The following MRTFA variants were observed in gnomAD, a reference collection of about 807,000 sequenced individuals.
The protein encoded by MRTFA is myocardin-related transcription factor A.
Under a neutral mutation model 83.5 loss-of-function variants are expected in MRTFA, and 20 were observed. The observed-to-expected ratio is 0.24, with a 90% CI of 0.17 to 0.35. The LOEUF is 0.35. Ranked by LOEUF, MRTFA falls within the 10% of genes least tolerant of loss-of-function variation. The probability of loss-of-function intolerance (pLI) is 1.00; values close to 1 mark genes in which losing one functional copy is unlikely to be tolerated. For synonymous variants in MRTFA, 659 were observed against 541.2 expected (o/e 1.22, Z -3.02); for missense variants, 1,200 against 1,224.7 (o/e 0.98, Z 0.30).
intron 11 of MRTFA, 75 bp downstream of exon 11, chr22:40,420,330 A>G (rs2052801942): frequency 1.3e-6 from 2 of 1,529,804 alleles, no homozygotes; most frequent in Non-Finnish European, 8.8e-7. Flanking sequence ...TTCCCTGCCT[A>G]AAAACCAGCA....
rs770588650 is a variant in MRTFA at position 40,421,002 on chromosome 22, G to A, written c.1026C>T (p.Ile342=). The A allele has an allele frequency of 1.6e-5, 25 of 1,604,532 alleles. No individual in the cohort carries two copies. The Admixed American group carries it at 1.8e-4, about 12-fold the overall frequency. The change falls in exon 10 of 15, where the codon ATC becomes ATT. Residue 342 remains isoleucine (I), a synonymous_variant. Coordinates refer to ENST00000355630, the MANE Select transcript of MRTFA (RefSeq NM_020831.6). ...CCCTGTCCTGCTTCTGGTCCGGGGG[G>A]ATGTACTGGTGGTACTTGAGCTTCT...
chr22:40,538,985 C>CTTTTTTTTTTTTTTT (rs201694198), intron 3 of MRTFA, among the ~76,000 whole-genome samples: 4 of 106,946 alleles, frequency 3.7e-5, no homozygotes, highest in African/African-American at 1.5e-4. Flanking sequence ...GATACACAGC[C>CTTTTTTTTTTTTTTT]TTTTGTTTTT....
intron 2 of MRTFA, chr22:40,569,752 CATACATACATACATA>C (rs1569333041): frequency 2.0e-5 from 3 of 151,842 alleles, no homozygotes; most frequent in African/African-American, 2.4e-5. Context: ...TACATACATA[CATACATACATACATA>C]CATACATACA....
chr22:40,529,878 C>T (rs775032404), intron 3 of MRTFA, among the ~76,000 whole-genome samples: 1 of 152,150 alleles, frequency 6.6e-6, no homozygotes, highest in Non-Finnish European at 1.5e-5. Flanking sequence ...TCTCTATTCC[C>T]CTTTATTGAG....
At chr22:40,490,296 A>T (rs1017648243) in intron 3 of MRTFA, among the ~76,000 whole-genome samples, 14 of 152,160 alleles carry the variant, frequency 9.2e-5, no homozygotes, top group Non-Finnish European at 1.8e-4. Context: ...ACTGCCTCTC[A>T]ACCAATTCTT....
intron 1 of MRTFA, among the ~76,000 whole-genome samples, chr22:40,622,731 T>C (rs2056538684): frequency 6.6e-6 from 1 of 152,024 alleles, no homozygotes; most frequent in Non-Finnish European, 1.5e-5. Context: ...CCTTCTGACA[T>C]CCTGAATTTG....
rs529146204 is a variant in MRTFA, at chr22:40,516,076, T to C, written c.241+36030A>G. 1.3e-5 allele frequency among the ~76,000 whole-genome samples: 2 copies of C among 152,270 alleles called. 1 individual carries two copies. The highest frequency in any genetic ancestry group is 4.1e-4 in the South Asian group (2 of 4,826). ...TCAGGATAAAGCAATGGAAGATTATTTGCAAACATCTCAAGGACTGACTTA... is the reference window on the plus strand; with the variant it reads ...TCAGGATAAAGCAATGGAAGATTATCTGCAAACATCTCAAGGACTGACTTA... On this transcript the variant is annotated intron_variant, in intron 3 of 14. Transcript: ENST00000355630.
At chr22:40,613,974 C>A (rs1310377325) in intron 1 of MRTFA, among the ~76,000 whole-genome samples, 1 of 150,430 alleles carries the variant, frequency 6.6e-6, no homozygotes, top group Non-Finnish European at 1.5e-5. Context: ...CCGAGGCGGG[C>A]GGATCACCTG....
At chr22:40,524,169 C>G (rs1357003319) in intron 3 of MRTFA, among the ~76,000 whole-genome samples, 1 of 152,164 alleles carries the variant, frequency 6.6e-6, no homozygotes, top group Non-Finnish European at 1.5e-5. Flanking sequence ...GTGATGTGCA[C>G]TTGCAGTCCC....
At chr22:40,533,627 T>C (rs1032065477) in intron 3 of MRTFA, 7 of 1,230,192 alleles carry the variant, frequency 5.7e-6, no homozygotes, top group Admixed American at 4.2e-5. Flanking sequence ...CAGGTTCCAG[T>C]AGAGTCATGA....
intron 3 of MRTFA, among the ~76,000 whole-genome samples, chr22:40,510,091 C>G (rs2054643178): frequency 6.6e-6 from 1 of 151,544 alleles, no homozygotes; most frequent in Non-Finnish European, 1.5e-5. Context: ...ATTGCAGAAC[C>G]AGCAATCCAG....
intron 2 of MRTFA, chr22:40,587,899 T>A: frequency 2.4e-6 from 1 of 420,690 alleles, no homozygotes; most frequent in East Asian, 5.1e-5. Context: ...TCACAATATC[T>A]GGTGGAATGG....
intron 3 of MRTFA, among the ~76,000 whole-genome samples, chr22:40,485,403 T>C (rs1192137099): frequency 6.6e-6 from 1 of 152,148 alleles, no homozygotes; most frequent in African/African-American, 2.4e-5. Flanking sequence ...CAGCCTGAAC[T>C]GTGGCAACAG....
chr22:40,587,991 C>A, intron 2 of MRTFA: 1 of 233,494 alleles, frequency 4.3e-6, no homozygotes, highest in Non-Finnish European at 8.7e-6. Context: ...AGTGGATCAG[C>A]ACATCCATGG....
chr22:40,580,271 T>G (rs1186527642), intron 2 of MRTFA, among the ~76,000 whole-genome samples: 2 of 152,132 alleles, frequency 1.3e-5, no homozygotes, highest in Non-Finnish European at 1.5e-5. Flanking sequence ...TCATCATGGC[T>G]CACTACAGCC....
chr22:40,569,612 T>TACTC (rs1222449752), intron 2 of MRTFA, among the ~76,000 whole-genome samples: 1 of 152,034 alleles, frequency 6.6e-6, no homozygotes, highest in African/African-American at 2.4e-5. Flanking sequence ...TAATCTCAGC[T>TACTC]ACTCAGGAGG....
chr22:40,423,099 A>G (rs1289940456), intron 9 of MRTFA, among the ~76,000 whole-genome samples: 1 of 152,208 alleles, frequency 6.6e-6, no homozygotes. Flanking sequence ...CCACACCGAC[A>G]GTGGTAACCC....
chr22:40,431,007 CGAAT>C (rs1320192241), intron 6 of MRTFA, among the ~76,000 whole-genome samples: 1 of 151,766 alleles, frequency 6.6e-6, no homozygotes, highest in Non-Finnish European at 1.5e-5. Flanking sequence ...AATGACTGAC[CGAAT>C]GAATGAATAT....
intron 3 of MRTFA, among the ~76,000 whole-genome samples, chr22:40,536,442 GC>G (rs1288674203): frequency 1.4e-4 from 21 of 148,492 alleles, no homozygotes; most frequent in Non-Finnish European, 9.0e-5. Flanking sequence ...GAGCGGACGG[GC>G]CCCGCGGGGC....
Sources: allele counts gnomAD v4.1 joint callset (sites outside exome capture counted in the v4.1 genomes callset), GRCh38; gene constraint gnomAD v4.1.1; transcripts MANE v1.5; gene names NCBI Gene and HGNC (gene_info 2026-07-23, HGNC 2026-07-21).